Variants in CALN1 observed in about 807,000 individuals in gnomAD.
CALN1 encodes the protein calneuron 1.
Under a neutral mutation model 30.6 loss-of-function variants are expected in CALN1, and 17 were observed. That is an observed-to-expected ratio of 0.56 (90% CI 0.38 to 0.83). The LOEUF (loss-of-function observed/expected upper bound fraction) is 0.83. Among genes scored for constraint, CALN1 ranks in the 40% least tolerant of loss-of-function variants. The probability of loss-of-function intolerance (pLI) is 0.00; values close to 1 mark genes in which losing one functional copy is unlikely to be tolerated. For synonymous variants in CALN1, 156 were observed against 131.4 expected (o/e 1.19, Z -1.28); for missense variants, 291 against 354.9 (o/e 0.82, Z 1.45).
At chr7:72,116,005 A>AT (rs1322596683) in intron 3 of CALN1, among the ~76,000 whole-genome samples, 2 of 152,072 alleles carry the variant, frequency 1.3e-5, no homozygotes, top group Non-Finnish European at 2.9e-5. Flanking sequence ...GATCTCATTC[A>AT]TTTTTATGGC....
At chr7:71,842,625 A>C (rs375703281) in intron 5 of CALN1, among the ~76,000 whole-genome samples, 2 of 152,206 alleles carry the variant, frequency 1.3e-5, no homozygotes, top group Non-Finnish European at 2.9e-5. Flanking sequence ...CTCTGCTTCC[A>C]TTTGCAACGT....
chr7:72,035,046 T>A (rs555117429), intron 4 of CALN1, among the ~76,000 whole-genome samples: 1 of 152,316 alleles, frequency 6.6e-6, no homozygotes, highest in Admixed American at 6.5e-5. Flanking sequence ...TTGGCACGTC[T>A]GGCAGGTGGG....
At chr7:72,444,549 G>A (rs1808461825) in intron 1 of CALN1, among the ~76,000 whole-genome samples, 1 of 152,124 alleles carries the variant, frequency 6.6e-6, no homozygotes, top group South Asian at 2.1e-4. Context: ...GCCATGCCAG[G>A]CCCTTTGCTA....
At chr7:72,167,175 G>A (rs1415106799) in intron 3 of CALN1, among the ~76,000 whole-genome samples, 2 of 152,208 alleles carry the variant, frequency 1.3e-5, no homozygotes, top group East Asian at 1.9e-4. Context: ...CATGCATTGT[G>A]TTATTAATTC....
chr7:71,882,593 A>G (rs111684406), intron 5 of CALN1, among the ~76,000 whole-genome samples: 5,134 of 152,238 alleles, frequency 0.034, 270 homozygotes, highest in African/African-American at 0.11. Context: ...TTTGTTCTAG[A>G]TAACTGCTAT....
At chr7:72,495,848 T>C in the CALN1 span, among the ~76,000 whole-genome samples, 2 of 152,236 alleles carry the variant, frequency 1.3e-5, no homozygotes, top group Non-Finnish European at 2.9e-5. Context: ...TTAAAATTGC[T>C]TCTATAGATT....
chr7:72,205,551 A>AAAAATATATATATATATAT, intron 3 of CALN1, among the ~76,000 whole-genome samples: 1 of 83,052 alleles, frequency 1.2e-5, no homozygotes, highest in Non-Finnish European at 2.0e-5. Flanking sequence ...GCAAAAAAAA[A>AAAAATATATATATATATAT]ATATATATAT....
intron 2 of CALN1, among the ~76,000 whole-genome samples, chr7:72,375,935 A>C (rs893781644): frequency 1.3e-5 from 2 of 151,992 alleles, no homozygotes; most frequent in Non-Finnish European, 1.5e-5. Context: ...CCCCATCCCA[A>C]ACACTTATCT....
At chr7:71,924,318 A>AGGG (rs1795146123) in intron 5 of CALN1, among the ~76,000 whole-genome samples, 1 of 151,058 alleles carries the variant, frequency 6.6e-6, no homozygotes, top group Admixed American at 6.6e-5. Flanking sequence ...GGTGGAACCC[A>AGGG]CCTCTGCACT....
intron 2 of CALN1, among the ~76,000 whole-genome samples, chr7:72,335,925 T>C (rs1312078892): frequency 2.0e-5 from 3 of 152,052 alleles, no homozygotes; most frequent in Non-Finnish European, 2.9e-5. Flanking sequence ...TCGGACCAAG[T>C]CTCGGGAAGT....
At chr7:72,451,839 G>A (rs1808673521), upstream of CALN1, among the ~76,000 whole-genome samples, 1 of 93,156 alleles carries the variant, frequency 1.1e-5, no homozygotes, top group African/African-American at 4.6e-5. Context: ...TTTAGATGTG[G>A]TGAATTAAAA....
At chr7:72,111,603 G>A (rs1330536246) in intron 3 of CALN1, among the ~76,000 whole-genome samples, 4 of 151,758 alleles carry the variant, frequency 2.6e-5, no homozygotes, top group African/African-American at 7.3e-5. Context: ...CACCATGCTC[G>A]ACTAATTTTT....
chr7:71,962,678 C>T (rs1797308489), intron 5 of CALN1, among the ~76,000 whole-genome samples: 1 of 152,118 alleles, frequency 6.6e-6, no homozygotes, highest in Non-Finnish European at 1.5e-5. Flanking sequence ...TTTAAAATTC[C>T]ACTTTGGGTG....
Position 72,205,551 on chromosome 7 carries a change from AAT to A in CALN1, c.244+73133_244+73134del, listed in dbSNP as rs1554319583. 8.4e-4 allele frequency among the ~76,000 whole-genome samples: 70 copies of A among 83,036 alleles called. 5 individuals carry two copies. Among genetic ancestry groups the A allele is most frequent in the Non-Finnish European group, 1.0e-3 (52 of 50,982 alleles). 54.5% of individuals were successfully genotyped at this position (83,036 alleles called of 152,430 possible). On this transcript the variant is annotated intron_variant, in intron 3 of 6. Transcript: ENST00000395275. ...ATTTTTCTCCTGATTGCAAAAAAAA[AAT>A]ATATATATATATATGTATATATATA...
chr7:72,280,527 C>T (rs1321078390), intron 2 of CALN1, among the ~76,000 whole-genome samples: 2 of 152,276 alleles, frequency 1.3e-5, no homozygotes, highest in African/African-American at 4.8e-5. Flanking sequence ...ACTTCAATGA[C>T]CACCTCCTTT....
chr7:71,976,862 G>A (rs1485129834), intron 5 of CALN1, among the ~76,000 whole-genome samples: 1 of 152,120 alleles, frequency 6.6e-6, no homozygotes, highest in Non-Finnish European at 1.5e-5. Context: ...TCCCCTGCCT[G>A]TTTCAGACTA....
At chr7:72,327,071 A>AGTAG (rs1801328912) in intron 2 of CALN1, among the ~76,000 whole-genome samples, 1 of 152,196 alleles carries the variant, frequency 6.6e-6, no homozygotes, top group South Asian at 2.1e-4. Flanking sequence ...TCATATTGAG[A>AGTAG]CTGAGTTTGT....
intron 4 of CALN1, among the ~76,000 whole-genome samples, chr7:72,037,850 G>A (rs1801895745): frequency 6.6e-6 from 1 of 152,150 alleles, no homozygotes; most frequent in Non-Finnish European, 1.5e-5. Flanking sequence ...ATTTCCCTGG[G>A]CCTGTGTAGT....
chr7:72,291,076 A>G (rs886843885), intron 2 of CALN1, among the ~76,000 whole-genome samples: 1 of 151,908 alleles, frequency 6.6e-6, no homozygotes, highest in Non-Finnish European at 1.5e-5. Flanking sequence ...GTTATGCACC[A>G]CCATGCCTGG....
Sources: gnomAD v4.1 joint callset for allele counts (sites outside exome capture counted in the v4.1 genomes callset) on GRCh38, gnomAD v4.1.1 for gene constraint, MANE v1.5 for transcripts, NCBI Gene and HGNC (gene_info 2026-07-23, HGNC 2026-07-21) for gene names.